The following MAML3 variants were observed in gnomAD, a reference collection of about 807,000 sequenced individuals.
The protein encoded by MAML3 is mastermind-like protein 3.
In MAML3, 27 loss-of-function variants were observed where a neutral mutation model predicts 101.9. The ratio of observed to expected loss-of-function variants is 0.27; its 90% CI spans 0.20 to 0.37. MAML3 has a LOEUF of 0.37. Ranked by LOEUF, MAML3 falls within the 10% of genes least tolerant of loss-of-function variation. MAML3 has a pLI of 1.00. For missense variants in MAML3, 1,316 were observed against 1,444.9 expected, an observed-to-expected ratio of 0.91 and a Z score of 1.45; for synonymous variants, 501 against 555.9, an observed-to-expected ratio of 0.90 and a Z score of 1.39.
chr4:140,123,596 G>A (rs893430624), intron 1 of MAML3, among the ~76,000 whole-genome samples: 1 of 151,882 alleles, frequency 6.6e-6, no homozygotes, highest in Non-Finnish European at 1.5e-5. Flanking sequence ...ATGTCATTTC[G>A]AGCCACAGAA....
At chr4:139,771,805 C>A (rs201526285) in intron 2 of MAML3, among the ~76,000 whole-genome samples, 2 of 152,030 alleles carry the variant, frequency 1.3e-5, no homozygotes, top group African/African-American at 4.8e-5. Context: ...TTTCGGGGGC[C>A]CATCCCAGAT....
intron 2 of MAML3, among the ~76,000 whole-genome samples, chr4:139,813,672 A>AGT (rs1423492454): frequency 3.0e-4 from 45 of 152,296 alleles, no homozygotes; most frequent in African/African-American, 1.1e-3. Context: ...ATGGGGACTA[A>AGT]ACCAAGCCAG....
At position 139,719,891 on chromosome 4, in the gene MAML3, TG is replaced by T. The variant is rs770808012; in HGVS notation, c.2848del (p.Gln950ArgfsTer48). 6.2e-7 allele frequency: 1 copy of T among 1,614,012 alleles called. No individual in the cohort carries two copies. The highest frequency in any genetic ancestry group is 8.5e-7 in the Non-Finnish European group (1 of 1,179,900). On this transcript the variant is annotated frameshift_variant, in exon 5 of 5. Coordinates refer to ENST00000509479, the MANE Select transcript of MAML3 (RefSeq NM_018717.5). LOFTEE classifies it high-confidence loss of function. The part of the protein sequence containing the change: ...LPRPQAPPRL[Q>X]SLMGTVQQGA... ...TTGCTGGACTGTTCCCATAAGGCTCTGCAGCCTTGGAGGGGCTTGGGGCCTA... is the reference window on the plus strand; with the variant it reads ...TTGCTGGACTGTTCCCATAAGGCTCTCAGCCTTGGAGGGGCTTGGGGCCTA...
At chr4:140,109,055 A>C (rs1728398924) in intron 1 of MAML3, among the ~76,000 whole-genome samples, 1 of 152,236 alleles carries the variant, frequency 6.6e-6, no homozygotes. Context: ...TTGTTGAGAC[A>C]AAGCACCACA....
intron 1 of MAML3, among the ~76,000 whole-genome samples, chr4:139,953,395 G>A (rs1733863357): frequency 6.6e-6 from 1 of 152,212 alleles, no homozygotes; most frequent in Non-Finnish European, 1.5e-5. Flanking sequence ...AGAGGCTGAG[G>A]CGGGTGGATC....
At chr4:140,014,607 G>A (rs1726613984) in intron 1 of MAML3, among the ~76,000 whole-genome samples, 1 of 152,206 alleles carries the variant, frequency 6.6e-6, no homozygotes, top group Non-Finnish European at 1.5e-5. Flanking sequence ...TGATACAGAA[G>A]TATATATAAT....
At chr4:139,896,994 T>G (rs1044603788) in intron 1 of MAML3, among the ~76,000 whole-genome samples, 1 of 152,158 alleles carries the variant, frequency 6.6e-6, no homozygotes, top group Non-Finnish European at 1.5e-5. Flanking sequence ...AGGTGTTCCA[T>G]GGGCCAGAGT....
chr4:139,877,926 A>G (rs1412419887), intron 2 of MAML3, among the ~76,000 whole-genome samples: 1 of 152,122 alleles, frequency 6.6e-6, no homozygotes, highest in Admixed American at 6.6e-5. Flanking sequence ...TATTTGATTC[A>G]TTTCCTTTTA....
At chr4:139,954,057 A>G (rs912839984) in intron 1 of MAML3, among the ~76,000 whole-genome samples, 1 of 152,236 alleles carries the variant, frequency 6.6e-6, no homozygotes, top group Non-Finnish European at 1.5e-5. Flanking sequence ...CAAATTGTTC[A>G]CAAGTGTCAG....
At chr4:139,746,031 G>A (rs967349828) in intron 2 of MAML3, among the ~76,000 whole-genome samples, 2 of 152,158 alleles carry the variant, frequency 1.3e-5, no homozygotes, top group African/African-American at 2.4e-5. Flanking sequence ...AAGTAATAAC[G>A]AAAGTTCTAT....
At chr4:139,780,209 ATCTC>A (rs779741981) in intron 2 of MAML3, among the ~76,000 whole-genome samples, 14 of 152,236 alleles carry the variant, frequency 9.2e-5, no homozygotes, top group Non-Finnish European at 1.8e-4. Context: ...GGTACAGAAC[ATCTC>A]TCCCATTCCA....
At chr4:140,040,289 G>A (rs529915771) in intron 1 of MAML3, among the ~76,000 whole-genome samples, 184 of 152,116 alleles carry the variant, frequency 1.2e-3, no homozygotes, top group Non-Finnish European at 2.3e-3. Context: ...TTGGGTGGGA[G>A]GCAAAGGGAA....
intron 1 of MAML3, among the ~76,000 whole-genome samples, chr4:140,123,024 T>C (rs1216475714): frequency 1.3e-5 from 2 of 151,888 alleles, no homozygotes; most frequent in African/African-American, 4.8e-5. Context: ...AATATGGCCA[T>C]GATACTCAAA....
rs1728155754 is a variant in MAML3, at chr4:139,719,797, T to C, written c.2943A>G (p.Pro981=). The change falls in exon 5 of 5, where the codon CCA becomes CCG. Residue 981 remains proline (P), a synonymous_variant. Coordinates refer to ENST00000509479, the MANE Select transcript of MAML3 (RefSeq NM_018717.5). ...GAGGGTAGCTGGCGCCATTGTTGAA[T>C]GGTCCCAATTCTCCACTAGTCCTCC... ...MPGRTSGELG[P]FNNGASYPLQ... 6.2e-7 allele frequency: 1 copy of C among 1,613,502 alleles called. No homozygotes were observed. Among genetic ancestry groups the C allele is most frequent in the Admixed American group, 1.7e-5 (1 of 60,010 alleles).
chr4:140,105,160 A>G (rs1246891918), intron 1 of MAML3, among the ~76,000 whole-genome samples: 1 of 152,194 alleles, frequency 6.6e-6, no homozygotes, highest in African/African-American at 2.4e-5. Flanking sequence ...CACCCCCATC[A>G]TGTAACTCAG....
intron 2 of MAML3, among the ~76,000 whole-genome samples, chr4:139,811,632 TGATGCACATA>T (rs1249028193): frequency 1.3e-5 from 2 of 152,220 alleles, no homozygotes; most frequent in African/African-American, 4.8e-5. Flanking sequence ...AATTTTATTT[TGATGCACATA>T]GATGGTAAAG....
chr4:140,104,872 C>T (rs541820751), intron 1 of MAML3, among the ~76,000 whole-genome samples: 2 of 151,860 alleles, frequency 1.3e-5, no homozygotes, highest in South Asian at 2.1e-4. Context: ...TAAACCAAAC[C>T]AAAGGGATTT....
At chr4:139,870,287 C>T (rs537203913) in intron 2 of MAML3, among the ~76,000 whole-genome samples, 6 of 152,270 alleles carry the variant, frequency 3.9e-5, no homozygotes, top group South Asian at 2.1e-4. Context: ...GTCAATTCCC[C>T]GTTCCCCTCA....
intron 2 of MAML3, among the ~76,000 whole-genome samples, chr4:139,782,971 C>A (rs1322439520): frequency 6.6e-6 from 1 of 152,106 alleles, no homozygotes. Context: ...CTTTAGGCTG[C>A]CTATTTTCAG....
Sources: allele counts gnomAD v4.1 joint callset (sites outside exome capture counted in the v4.1 genomes callset), GRCh38; gene constraint gnomAD v4.1.1; transcripts MANE v1.5; gene names NCBI Gene and HGNC (gene_info 2026-07-23, HGNC 2026-07-21).